PALM2AKAP2: variants seen among roughly 807,000 people sequenced by gnomAD.
PALM2AKAP2 encodes the protein PALM2 and AKAP2 fusion.
Under a neutral mutation model 71.5 loss-of-function variants are expected in PALM2AKAP2, and 37 were observed. The observed-to-expected ratio is 0.52, with a 90% CI of 0.40 to 0.68. The LOEUF (loss-of-function observed/expected upper bound fraction) is 0.68. PALM2AKAP2 is among the 30% of genes least tolerant of loss of function. The probability of loss-of-function intolerance (pLI) is 0.00; values close to 1 mark genes in which losing one functional copy is unlikely to be tolerated. For missense variants in PALM2AKAP2, 1,224 were observed against 1,191.8 expected (o/e 1.03, Z -0.40); for synonymous variants, 468 against 478.8 (o/e 0.98, Z 0.29).
At chr9:110,109,035 C>T (rs548411829) in intron 1 of PALM2AKAP2, among the ~76,000 whole-genome samples, 2 of 151,954 alleles carry the variant, frequency 1.3e-5, no homozygotes, top group Admixed American at 6.6e-5. Flanking sequence ...CTTCAGAAAC[C>T]GGTCCGGCGC....
intron 1 of PALM2AKAP2, among the ~76,000 whole-genome samples, chr9:109,667,766 C>T (rs1027911098): frequency 6.6e-6 from 1 of 152,144 alleles, no homozygotes; most frequent in Non-Finnish European, 1.5e-5. Flanking sequence ...GCACTCCAGC[C>T]TGGGCATTGG....
chr9:110,084,902 AT>A lies in PALM2AKAP2; in HGVS notation c.156+36058del, dbSNP rs35600473. ...AGGCATGTGCCACCACGCCCAGCTGATTTTTTTTTTTGTATTTTTAGTAGAG... is the reference window on the plus strand; with the variant it reads ...AGGCATGTGCCACCACGCCCAGCTGATTTTTTTTTTGTATTTTTAGTAGAG... On this transcript the variant is annotated intron_variant, in intron 1 of 3. Transcript: ENST00000374525. Among the ~76,000 whole-genome samples the A allele has an allele frequency of 4.9e-3, 729 of 147,682 alleles. 10 individuals are homozygous for A. The highest frequency in any genetic ancestry group is 7.6e-3 in the Non-Finnish European group (506 of 66,588).
At chr9:110,165,635 G>A (rs1836715740) in intron 3 of PALM2AKAP2, among the ~76,000 whole-genome samples, 1 of 152,112 alleles carries the variant, frequency 6.6e-6, no homozygotes, top group African/African-American at 2.4e-5. Context: ...GCTCATTGTT[G>A]GTATAAGTGA....
chr9:109,920,219 G>A lies in PALM2AKAP2; in HGVS notation c.258-3516G>A, dbSNP rs114196457. ...TGGCTAAAGCAGGTCACATGGCTGC[G>A]GCCAGTGCCAAGGGACTGGGAAGTG... On this transcript the variant is annotated intron_variant, in intron 3 of 9. Transcript: ENST00000302798. 3.4e-3 allele frequency among the ~76,000 whole-genome samples: 517 copies of A among 152,284 alleles called. 5 individuals carry two copies. The highest frequency in any genetic ancestry group is 0.012 in the African/African-American group (494 of 41,540).
intron 1 of PALM2AKAP2, among the ~76,000 whole-genome samples, chr9:109,692,838 T>A (rs1174770226): frequency 6.6e-6 from 1 of 152,120 alleles, no homozygotes; most frequent in East Asian, 1.9e-4. Flanking sequence ...ATTTGATTTT[T>A]AAAAAAATTT....
At chr9:109,688,620 G>C (rs913691493) in intron 1 of PALM2AKAP2, among the ~76,000 whole-genome samples, 2 of 152,220 alleles carry the variant, frequency 1.3e-5, no homozygotes, top group Admixed American at 1.3e-4. Context: ...AGCCCCACTT[G>C]AGTTACGATG....
Position 109,831,142 on chromosome 9 carries a change from TACACACACACAC to T in PALM2AKAP2, c.46-36319_46-36308del, listed in dbSNP as rs111681992. Among the ~76,000 whole-genome samples, 334 of 135,046 alleles carry T rather than the reference TACACACACACAC, an allele frequency of 2.5e-3. 4 individuals carry two copies. In the Middle Eastern group the frequency reaches 0.026, roughly 10 times the overall value. The allele number at this position is 135,046 out of a possible 152,430, so 88.6% of individuals were successfully genotyped here. ...CATTGATGGTTGTTAATACTTCCCC[TACACACACACAC>T]ACACACACACACACACACACACACA... On this transcript the variant is annotated intron_variant, in intron 1 of 9. Transcript: ENST00000302798.
chr9:109,992,954 TAGAGAGAGAGAG>T (rs3063881), intron 6 of PALM2AKAP2, among the ~76,000 whole-genome samples: 1 of 142,676 alleles, frequency 7.0e-6, no homozygotes. Context: ...TATATATATA[TAGAGAGAGAGAG>T]AGAGAGAGAG....
At chr9:110,051,175 A>G (rs1001686290) in intron 1 of PALM2AKAP2, among the ~76,000 whole-genome samples, 15 of 152,308 alleles carry the variant, frequency 9.8e-5, no homozygotes, top group African/African-American at 3.4e-4. Flanking sequence ...TGAAATACTC[A>G]TTATCTCATA....
intron 2 of PALM2AKAP2, among the ~76,000 whole-genome samples, chr9:110,140,938 T>C (rs1249030721): frequency 6.6e-6 from 1 of 152,164 alleles, no homozygotes; most frequent in Non-Finnish European, 1.5e-5. Context: ...TGCCATCAAA[T>C]TGGTGATAAA....
chr9:110,025,112 T>A, intron 7 of PALM2AKAP2: 1 of 1,170,216 alleles, frequency 8.5e-7, no homozygotes, highest in Non-Finnish European at 1.3e-6. Flanking sequence ...TTGGCAAGAA[T>A]CTTGCCCTTA....
At chr9:109,843,000 C>T (rs988020042) in intron 1 of PALM2AKAP2, among the ~76,000 whole-genome samples, 2 of 151,544 alleles carry the variant, frequency 1.3e-5, no homozygotes, top group East Asian at 1.9e-4. Flanking sequence ...ATTTGCCGGG[C>T]GTGGTGGCGC....
At chr9:110,043,716 GTTTTTT>G (rs61128628), upstream of PALM2AKAP2, among the ~76,000 whole-genome samples, 22 of 91,588 alleles carry the variant, frequency 2.4e-4, no homozygotes, top group African/African-American at 6.6e-4. Flanking sequence ...TTTTTTTGGT[GTTTTTT>G]TTTTTTTTTT....
At chr9:109,684,918 G>C (rs984654931) in intron 1 of PALM2AKAP2, among the ~76,000 whole-genome samples, 2 of 152,142 alleles carry the variant, frequency 1.3e-5, no homozygotes, top group African/African-American at 4.8e-5. Context: ...CAGCAGGTGA[G>C]TAGATAAGAA....
At chr9:109,844,125 T>A (rs535580213) in intron 1 of PALM2AKAP2, among the ~76,000 whole-genome samples, 5 of 152,314 alleles carry the variant, frequency 3.3e-5, no homozygotes, top group African/African-American at 1.2e-4. Flanking sequence ...ATTGAGCGAG[T>A]AGTATACCCA....
Position 109,698,272 on chromosome 9 carries a change from ATTTTTTTTT to A in PALM2AKAP2, c.5+57420_5+57428del, listed in dbSNP as rs774359983. On this transcript the variant is annotated intron_variant, in intron 1 of 6. Transcript: ENST00000374531. ...TACCCTTCACCTGCATGTGTGCTAC[ATTTTTTTTT>A]TTTTTTTTTTTTTGAGACGGAGTTT... Among the ~76,000 whole-genome samples the A allele has an allele frequency of 6.1e-4, 72 of 118,572 alleles. 1 individual carries two copies. In the Middle Eastern group the frequency reaches 0.038, roughly 63 times the overall value. The allele number at this position is 118,572 out of a possible 152,430, so 77.8% of individuals were successfully genotyped here. A position where few individuals can be genotyped will look rare whatever the true frequency, so the allele number is the denominator to read the frequency against.
intron 1 of PALM2AKAP2, among the ~76,000 whole-genome samples, chr9:109,753,088 T>C (rs10980028): frequency 0.3 from 46,295 of 151,970 alleles, 7,210 homozygotes; most frequent in Middle Eastern, 0.4. Flanking sequence ...AGATGCCACT[T>C]GGAGTTTCCA....
intron 7 of PALM2AKAP2, among the ~76,000 whole-genome samples, chr9:110,017,260 G>A (rs554305442): frequency 3.9e-5 from 6 of 152,278 alleles, no homozygotes; most frequent in Admixed American, 3.9e-4. Context: ...GTAATGTGAA[G>A]GCTAAACTTG....
At chr9:109,811,762 G>A (rs761925219) in intron 1 of PALM2AKAP2, among the ~76,000 whole-genome samples, 5 of 152,038 alleles carry the variant, frequency 3.3e-5, no homozygotes, top group African/African-American at 4.8e-5. Flanking sequence ...TTTTAGAGAC[G>A]GTGGCTTGCT....
Sources: allele counts gnomAD v4.1 joint callset (sites outside exome capture counted in the v4.1 genomes callset), GRCh38; gene constraint gnomAD v4.1.1; transcripts MANE v1.5; gene names NCBI Gene and HGNC (gene_info 2026-07-23, HGNC 2026-07-21).